COL3A1: variants seen among roughly 807,000 people sequenced by gnomAD.
COL3A1 encodes collagen type III alpha 1 chain, also known as collagen alpha-1(III) chain.
Under a neutral mutation model 200.9 loss-of-function variants are expected in COL3A1, and 46 were observed. The ratio of observed to expected loss-of-function variants is 0.23; its 90% confidence interval spans 0.18 to 0.29. The LOEUF (loss-of-function observed/expected upper bound fraction) is 0.29, where lower values mean the gene tolerates loss of function less well. Among genes scored for constraint, COL3A1 ranks in the 10% least tolerant of loss-of-function variants. The pLI is 1.00. For missense variants in COL3A1, 1,367 were observed against 1,917.6 expected (o/e 0.71, Z 5.36); for synonymous variants, 650 against 628.0 (o/e 1.03, Z -0.52).
At chr2:188,987,372 G>A (rs1339087834) in intron 5 of COL3A1, among the ~76,000 whole-genome samples, 3 of 149,398 alleles carry the variant, frequency 2.0e-5, no homozygotes, top group Non-Finnish European at 3.0e-5. Flanking sequence ...AAAAACCAAA[G>A]TCAACACTTA....
At chr2:188,999,425 A>G in intron 30 of COL3A1, 42 bp downstream of exon 30, 1 of 1,613,914 alleles carries the variant, frequency 6.2e-7, no homozygotes, top group African/African-American at 1.3e-5. Flanking sequence ...TAAAAAATGC[A>G]TTTGATTTCC....
Position 189,007,565 on chromosome 2 carries a change from A to G in COL3A1, c.3321A>G (p.Gly1107=), listed in dbSNP as rs1364238191. 2.5e-6 allele frequency: 4 copies of G among 1,613,788 alleles called. No homozygotes were observed. Among genetic ancestry groups the G allele is most frequent in the Non-Finnish European group, 2.5e-6 (3 of 1,179,836 alleles). ...TGERGAAGIK[G]HRGFPGNPGA... is the part of the protein sequence containing the mutation. ...AACGTGGAGCTGCTGGCATCAAAGG[A>G]CATCGAGGATTCCCTGGTAATCCAG... The change falls in exon 45 of 51, where the codon GGA becomes GGG. Residue 1107 remains glycine (G), a synonymous_variant. Transcript: ENST00000304636.
intron 8 of COL3A1, 102 bp from the exon 9 acceptor site, chr2:188,989,994 T>A: frequency 2.8e-6 from 3 of 1,065,674 alleles, no homozygotes; most frequent in Non-Finnish European, 4.4e-6. Flanking sequence ...ACCATTTTAA[T>A]GAGTCCTTTG....
chr2:189,000,012 C>A lies in COL3A1; in HGVS notation c.2283+117C>A. 6 of 1,011,982 alleles carry A rather than the reference C, an allele frequency of 5.9e-6. No homozygotes were observed. In the South Asian group the frequency reaches 6.9e-5, roughly 12 times the overall value. 62.7% of individuals were successfully genotyped at this position (1,011,982 alleles called of 1,614,324 possible). ...CAAGAGAAATTAGATATTTTACCAC[C>A]TAAAGACCCGAATGACTTGATTTAT... On this transcript the variant is annotated intron_variant, in intron 32 of 50. Coordinates refer to ENST00000304636, the MANE Select transcript of COL3A1 (RefSeq NM_000090.4).
At chr2:188,975,550 A>G (rs917815838) in intron 1 of COL3A1, among the ~76,000 whole-genome samples, 6 of 152,168 alleles carry the variant, frequency 3.9e-5, no homozygotes, top group African/African-American at 1.2e-4. Flanking sequence ...TTATTAGACA[A>G]TTTTTATTGC....
In COL3A1 at chr2:188,989,373, A is replaced by AT. The variant is rs747397336; in HGVS notation, c.637-17dup. On this transcript the variant is annotated intron_variant, in intron 7 of 50. Coordinates refer to ENST00000304636, the MANE Select transcript of COL3A1 (RefSeq NM_000090.4). ...AACAGAAAAATTTACAAATCTATTC[A>AT]TTTTTTATTTCCTTATTTTCAGGGC... 7 of 1,556,590 alleles carry AT rather than the reference A, an allele frequency of 4.5e-6. No homozygotes were observed. In the Admixed American group the frequency reaches 1.1e-4, roughly 23 times the overall value.
chr2:188,999,637 G>A lies in COL3A1; in HGVS notation c.2229+60G>A, dbSNP rs1688410252. 7.8e-6 allele frequency: 12 copies of A among 1,537,146 alleles called. No individual in the cohort carries two copies. The South Asian group carries it at 1.1e-4, about 14-fold the overall frequency. The stretch of plus-strand genomic sequence containing the variant: ...TCAGTCATTGTAGGTTTTAAAAAAA[G>A]CAACACTCCTGGAAAGTAATCGACT... On this transcript the variant is annotated intron_variant, in intron 31 of 50. Transcript: ENST00000304636.
At chr2:189,007,784 A>AT in intron 45 of COL3A1, 101 bp from the exon 46 acceptor site, 1 of 1,471,668 alleles carries the variant, frequency 6.8e-7, no homozygotes, top group East Asian at 2.3e-5. Context: ...AAGAAAAAAA[A>AT]TTTCATCATG....
At chr2:188,977,257 A>G (rs1687840454) in intron 1 of COL3A1, among the ~76,000 whole-genome samples, 1 of 152,144 alleles carries the variant, frequency 6.6e-6, no homozygotes, top group Non-Finnish European at 1.5e-5. Context: ...TAGGGCAGAA[A>G]CAGAAACTTT....
intron 24 of COL3A1, 69 bp downstream of exon 24, chr2:188,996,565 A>C: frequency 1.5e-6 from 2 of 1,314,778 alleles, no homozygotes; most frequent in Non-Finnish European, 2.2e-6. Flanking sequence ...TATGGAGTAA[A>C]GAAATGGTCA....
In COL3A1 at chr2:189,003,450, A is replaced by C; in HGVS notation, c.2593A>C (p.Ser865Arg). 3 of 1,613,698 alleles carry C rather than the reference A, an allele frequency of 1.9e-6. No homozygotes were observed. Among genetic ancestry groups the C allele is most frequent in the Non-Finnish European group, 2.5e-6 (3 of 1,179,756 alleles). The part of the protein sequence containing the change: ...GPQGVKGERG[S>R]PGGPGAAGFP... ...CCAAGGTGTCAAAGGTGAACGTGGC[A>C]GTCCTGGTGGACCTGTAAGTATTGA... Residue 865 changes from serine (S) to arginine (R), a missense_variant, in exon 37 of 51, where the codon AGT becomes CGT. Transcript: ENST00000304636.
At chr2:188,999,214 G>T (rs769038078) in intron 29 of COL3A1, 71 bp from the exon 30 acceptor site, 25 of 1,375,958 alleles carry the variant, frequency 1.8e-5, no homozygotes, top group Admixed American at 5.9e-5. Flanking sequence ...GATTCAAAAT[G>T]ATGCAAGTTA....
At chr2:188,995,319 T>A (rs548725856) in intron 21 of COL3A1, among the ~76,000 whole-genome samples, 1 of 152,308 alleles carries the variant, frequency 6.6e-6, no homozygotes, top group African/African-American at 2.4e-5. Flanking sequence ...ATCTGTTAAT[T>A]GGAAAGCATT....
intron 14 of COL3A1, 70 bp downstream of exon 14, chr2:188,992,298 T>A: frequency 7.5e-7 from 1 of 1,335,384 alleles, no homozygotes; most frequent in Non-Finnish European, 1.1e-6. Flanking sequence ...TATTTAATAT[T>A]TTATATATGT....
At chr2:189,000,675 A>G (rs1245349735) in intron 32 of COL3A1, among the ~76,000 whole-genome samples, 1 of 152,150 alleles carries the variant, frequency 6.6e-6, no homozygotes. Flanking sequence ...ATCAATGTCA[A>G]TTTCCTAGTT....
At chr2:188,995,011 T>C (rs778652162) in intron 20 of COL3A1, 35 bp from the exon 21 acceptor site, 1 of 1,610,212 alleles carries the variant, frequency 6.2e-7, no homozygotes, top group South Asian at 1.1e-5. Flanking sequence ...ATTGAAATCC[T>C]TTGGACTGAA....
chr2:188,984,648 T>C lies in COL3A1; in HGVS notation c.80-112T>C. On this transcript the variant is annotated intron_variant, in intron 1 of 50. Transcript: ENST00000304636. ...ATTTTCTAATGAAAGGAAGAAATTA[T>C]TTGTTTCAAACCTTTTCAACTTTGG... 5 of 917,402 alleles carry C rather than the reference T, an allele frequency of 5.5e-6. No individual in the cohort carries two copies. The South Asian group carries it at 7.0e-5, about 13-fold the overall frequency. The allele number at this position is 917,402 out of a possible 1,614,324, so 56.8% of individuals were successfully genotyped here. A position where few individuals can be genotyped will look rare whatever the true frequency, so the allele number is the denominator to read the frequency against.
chr2:188,984,174 T>C lies in COL3A1; in HGVS notation c.80-586T>C, dbSNP rs41265561. 1.4e-3 allele frequency among the ~76,000 whole-genome samples: 212 copies of C among 152,170 alleles called. 1 individual carries two copies. The highest frequency in any genetic ancestry group is 4.8e-3 in the African/African-American group (201 of 41,558). On this transcript the variant is annotated intron_variant, in intron 1 of 50. Coordinates refer to ENST00000304636, the MANE Select transcript of COL3A1 (RefSeq NM_000090.4). ...GGGATATACAATATATTATGTCATA[T>C]CATGTTGAGCTACTAATGCCAAATA...
intron 34 of COL3A1, among the ~76,000 whole-genome samples, 191 bp downstream of exon 34, chr2:189,001,780 A>G (rs780985709): frequency 2.6e-5 from 4 of 152,176 alleles, no homozygotes; most frequent in Non-Finnish European, 4.4e-5. Flanking sequence ...CATTCACAGG[A>G]GACCATTTTA....
Sources: gnomAD v4.1 joint callset for allele counts (sites outside exome capture counted in the v4.1 genomes callset) on GRCh38, gnomAD v4.1.1 for gene constraint, MANE v1.5 for transcripts, NCBI Gene and HGNC (gene_info 2026-07-23, HGNC 2026-07-21) for gene names.